Variants in SGSM2 observed in about 807,000 individuals in gnomAD.
SGSM2 encodes the protein small G protein signaling modulator 2.
SGSM2 carries 89 observed loss-of-function variants against 126.6 expected under a neutral mutation model. The ratio of observed to expected loss-of-function variants is 0.70; its 90% CI spans 0.59 to 0.84. The LOEUF (loss-of-function observed/expected upper bound fraction) is 0.84, where lower values mean the gene tolerates loss of function less well. Ranked by LOEUF, SGSM2 falls within the 40% of genes least tolerant of loss-of-function variation. The probability of loss-of-function intolerance (pLI) is 0.00; values close to 1 mark genes in which losing one functional copy is unlikely to be tolerated. For synonymous variants in SGSM2, 614 were observed against 574.3 expected, an observed-to-expected ratio of 1.07 and a Z score of -0.99; for missense variants, 1,404 against 1,416.6, an observed-to-expected ratio of 0.99 and a Z score of 0.14.
chr17:2,379,963 C>A lies in SGSM2; in HGVS notation c.*443C>A. 3.0e-6 allele frequency: 4 copies of A among 1,352,670 alleles called. No individual in the cohort carries two copies. The highest frequency in any genetic ancestry group is 3.8e-6 in the Non-Finnish European group (4 of 1,052,332). 83.8% of individuals were successfully genotyped at this position (1,352,670 alleles called of 1,614,324 possible). ...TCCCTTCTGAGGGTCCCTTTGCAGT[C>A]CCAGTATATTGTGCGTGCACCAGCC... is the stretch of plus-strand genomic sequence containing the variant. On this transcript the variant is annotated 3_prime_UTR_variant, in exon 24 of 24. Coordinates refer to ENST00000268989, the MANE Select transcript of SGSM2 (RefSeq NM_014853.3).
intron 10 of SGSM2, 25 bp from the exon 11 acceptor site, chr17:2,365,190 C>T (rs765430254): frequency 2.9e-5 from 46 of 1,600,392 alleles, no homozygotes; most frequent in South Asian, 1.5e-4. Flanking sequence ...CTATACAGCC[C>T]GACCACCTAC....
At chr17:2,379,277 C>T (rs2151649481) in intron 23 of SGSM2, 74 bp downstream of exon 23, 4 of 1,578,078 alleles carry the variant, frequency 2.5e-6, no homozygotes, top group Non-Finnish European at 3.5e-6. Flanking sequence ...CCGCACACAG[C>T]TGGAGGGTTC....
In SGSM2 at chr17:2,376,135, A is replaced by AGATAGAATTACT; in HGVS notation, c.2485_2496dup. The AGATAGAATTACT allele has an allele frequency of 6.8e-6, 11 of 1,614,030 alleles. No individual in the cohort carries two copies. Among genetic ancestry groups the AGATAGAATTACT allele is most frequent in the Non-Finnish European group, 9.3e-6 (11 of 1,180,002 alleles). On this transcript the variant is annotated splice_acceptor_variant, in intron 18 of 23. Transcript: ENST00000268989. LOFTEE classifies it high-confidence loss of function. Reference sequence around the variant, plus strand: ...ATGCCTGAGGGCCCTCCACTCTTCCAGATAGAATTACTGGACACTGTGGCC... The same window carrying AGATAGAATTACT: ...ATGCCTGAGGGCCCTCCACTCTTCCAGATAGAATTACTGATAGAATTACTGGACACTGTGGCC...
chr17:2,378,254 A>G (rs1227596433), intron 22 of SGSM2, among the ~76,000 whole-genome samples: 1 of 152,214 alleles, frequency 6.6e-6, no homozygotes, highest in Non-Finnish European at 1.5e-5. Flanking sequence ...CAACATAGCG[A>G]GACCCTGTCT....
At chr17:2,378,268 A>G (rs2066269526) in intron 22 of SGSM2, among the ~76,000 whole-genome samples, 1 of 152,096 alleles carries the variant, frequency 6.6e-6, no homozygotes, top group Non-Finnish European at 1.5e-5. Context: ...CCTGTCTTTA[A>G]TTTTTAAAAA....
At chr17:2,342,496 TA>T (rs2064416666) in intron 1 of SGSM2, among the ~76,000 whole-genome samples, 1 of 151,914 alleles carries the variant, frequency 6.6e-6, no homozygotes, top group Non-Finnish European at 1.5e-5. Context: ...TGGGTACCCT[TA>T]GGGGGAATAG....
chr17:2,338,244 G>A (rs1263227030), intron 1 of SGSM2, among the ~76,000 whole-genome samples: 1 of 152,190 alleles, frequency 6.6e-6, no homozygotes, highest in East Asian at 1.9e-4. Context: ...GCTGCCGGAG[G>A]GGTGCGCCGC....
intron 2 of SGSM2, among the ~76,000 whole-genome samples, chr17:2,360,485 G>C (rs1416065912): frequency 6.6e-6 from 1 of 152,208 alleles, no homozygotes; most frequent in Non-Finnish European, 1.5e-5. Flanking sequence ...CCAGCTCTTA[G>C]AGGCTAGCTG....
chr17:2,370,133 G>A (rs931582391), intron 12 of SGSM2, among the ~76,000 whole-genome samples: 1 of 152,176 alleles, frequency 6.6e-6, no homozygotes, highest in African/African-American at 2.4e-5. Flanking sequence ...GTGGGCCCCG[G>A]CCCAGGCTGA....
At chr17:2,370,347 C>T (rs1308364943) in intron 12 of SGSM2, among the ~76,000 whole-genome samples, 2 of 152,256 alleles carry the variant, frequency 1.3e-5, no homozygotes, top group Non-Finnish European at 1.5e-5. Flanking sequence ...CCACGTGGGC[C>T]GTGGAAGCTC....
rs138634642 is a variant in SGSM2 at position 2,376,491 on chromosome 17, C to A, written c.2609+230C>A. 274 of 658,314 alleles carry A rather than the reference C, an allele frequency of 4.2e-4. 2 individuals carry two copies. The African/African-American group carries it at 4.4e-3, about 10-fold the overall frequency. 40.8% of individuals were successfully genotyped at this position (658,314 alleles called of 1,614,324 possible). On this transcript the variant is annotated intron_variant, in intron 19 of 23. Transcript: ENST00000268989. ...ACCTCTTCAGGAAGCTTTCCCTCAT[C>A]CCCGCACCCCCGCCCCACATACCAA...
Position 2,364,139 on chromosome 17 carries a change from CCAGCT to C in SGSM2, c.891_895del (p.Gln297HisfsTer135). 2 of 1,613,982 alleles carry C rather than the reference CCAGCT, an allele frequency of 1.2e-6. No individual in the cohort carries two copies. Among genetic ancestry groups the C allele is most frequent in the Non-Finnish European group, 1.7e-6 (2 of 1,180,020 alleles). On this transcript the variant is annotated frameshift_variant, in exon 8 of 24. Transcript: ENST00000268989. LOFTEE classifies it high-confidence loss of function. Reference sequence around the variant, plus strand: ...GCCTGACTCTGAAGTGGACCCCCAACCAGCTCATGAATGGGACTCTGGGGGACTCC... The same window carrying C: ...GCCTGACTCTGAAGTGGACCCCCAACCATGAATGGGACTCTGGGGGACTCC...
chr17:2,344,398 T>C (rs759789355), intron 2 of SGSM2, among the ~76,000 whole-genome samples: 38 of 152,324 alleles, frequency 2.5e-4, no homozygotes, highest in Admixed American at 1.1e-3. Flanking sequence ...CTGTGTTGTA[T>C]TCCTTGGCCT....
chr17:2,368,224 G>A (rs963423736), intron 12 of SGSM2, among the ~76,000 whole-genome samples: 2 of 152,138 alleles, frequency 1.3e-5, no homozygotes, highest in Non-Finnish European at 2.9e-5. Flanking sequence ...AGCCTCTCAG[G>A]GTTCCTCTGC....
In SGSM2 at chr17:2,380,268, CT is replaced by C; in HGVS notation, c.*750del. The C allele has an allele frequency of 1.3e-6, 2 of 1,536,058 alleles. No homozygotes were observed. Among genetic ancestry groups the C allele is most frequent in the Non-Finnish European group, 1.7e-6 (2 of 1,146,896 alleles). On this transcript the variant is annotated 3_prime_UTR_variant, in exon 24 of 24. Transcript: ENST00000268989. ...CCACCCTTGCGTTCTGCATTAGGTA[CT>C]TCCCTGAAAACCACGTGTAAGAAGT...
intron 2 of SGSM2, among the ~76,000 whole-genome samples, chr17:2,343,988 G>A (rs541666291): frequency 6.6e-6 from 1 of 152,292 alleles, no homozygotes; most frequent in Non-Finnish European, 1.5e-5. Context: ...TTGAGTTCAG[G>A]AACCAGTGCT....
intron 2 of SGSM2, among the ~76,000 whole-genome samples, chr17:2,358,951 C>T (rs2065197742): frequency 1.3e-5 from 2 of 149,392 alleles, no homozygotes; most frequent in African/African-American, 5.0e-5. Flanking sequence ...CATCTCGGCT[C>T]ACTGCAACCT....
chr17:2,341,305 A>G (rs2064359064), intron 1 of SGSM2, among the ~76,000 whole-genome samples: 4 of 152,142 alleles, frequency 2.6e-5, no homozygotes, highest in Admixed American at 2.0e-4. Context: ...TTTAGTAGAA[A>G]TGGGGTTTCA....
chr17:2,375,263 C>T (rs61237893), intron 17 of SGSM2: 64,032 of 483,480 alleles, frequency 0.13, 7,545 homozygotes, highest in African/African-American at 0.44. Flanking sequence ...GCTGTTCCTT[C>T]AAGCAGGGCT....
Sources: allele counts gnomAD v4.1 joint callset (sites outside exome capture counted in the v4.1 genomes callset), GRCh38; gene constraint gnomAD v4.1.1; transcripts MANE v1.5; gene names NCBI Gene and HGNC (gene_info 2026-07-23, HGNC 2026-07-21).